SAMD5: variants seen among roughly 807,000 people sequenced by gnomAD.
SAMD5 encodes sterile alpha motif domain containing 5, also known as sterile alpha motif domain-containing protein 5.
In SAMD5, 13 loss-of-function variants were observed where a neutral mutation model predicts 11.3. The observed-to-expected ratio is 1.15, with a 90% CI of 0.75 to 1.83. The LOEUF is 1.83. Among genes scored for constraint, SAMD5 ranks in the 40% most tolerant of loss-of-function variants. The pLI is 0.00. For synonymous variants in SAMD5, 129 were observed against 111.3 expected (o/e 1.16, Z -1.00); for missense variants, 255 against 239.1 (o/e 1.07, Z -0.44).
the SAMD5 span, among the ~76,000 whole-genome samples, chr6:147,902,860 G>C: frequency 6.6e-6 from 1 of 151,982 alleles, no homozygotes; most frequent in Non-Finnish European, 1.5e-5. Flanking sequence ...ATAATTATGT[G>C]CACACCTGTA....
chr6:147,585,505 G>A (rs971845362), intron 1 of SAMD5, among the ~76,000 whole-genome samples: 3 of 152,100 alleles, frequency 2.0e-5, no homozygotes, highest in Non-Finnish European at 4.4e-5. Flanking sequence ...TTAGTAATGG[G>A]AAGGCACCAG....
At chr6:147,906,064 A>G in the SAMD5 span, among the ~76,000 whole-genome samples, 1 of 152,196 alleles carries the variant, frequency 6.6e-6, no homozygotes, top group African/African-American at 2.4e-5. Context: ...GTCCTCAAGT[A>G]TTTCTTATGA....
chr6:147,551,975 C>T (rs1013344983), intron 1 of SAMD5, among the ~76,000 whole-genome samples: 8 of 151,972 alleles, frequency 5.3e-5, no homozygotes, highest in South Asian at 2.1e-4. Context: ...TCCTTGTTAT[C>T]GGAGTTTAAA....
chr6:147,768,368 T>C, the SAMD5 span, among the ~76,000 whole-genome samples: 2 of 152,008 alleles, frequency 1.3e-5, no homozygotes, highest in Non-Finnish European at 2.9e-5. Context: ...CGTGGTAGCA[T>C]GTGCCTGTAA....
the SAMD5 span, among the ~76,000 whole-genome samples, chr6:147,834,023 C>A: frequency 7.9e-5 from 12 of 152,196 alleles, no homozygotes; most frequent in Admixed American, 7.9e-4. Flanking sequence ...GCAAGACTTC[C>A]TTTGCGTTTA....
chr6:147,585,006 G>A (rs1306837364), intron 1 of SAMD5, among the ~76,000 whole-genome samples: 1 of 151,888 alleles, frequency 6.6e-6, no homozygotes, highest in Non-Finnish European at 1.5e-5. Flanking sequence ...AGCATTTGGA[G>A]GATGGGAGAG....
intron 1 of SAMD5, chr6:147,729,651 CCG>C: frequency 2.7e-6 from 1 of 376,412 alleles, no homozygotes; most frequent in East Asian, 7.7e-5. Context: ...TTAGATGGAG[CCG>C]CCAAGGGAGG....
the SAMD5 span, among the ~76,000 whole-genome samples, chr6:147,786,957 T>C: frequency 6.6e-6 from 1 of 152,216 alleles, no homozygotes; most frequent in Non-Finnish European, 1.5e-5. Flanking sequence ...TTCACCTTGG[T>C]TAAATACTTT....
At chr6:147,562,868 A>C (rs534724984) in intron 1 of SAMD5, among the ~76,000 whole-genome samples, 185 of 152,260 alleles carry the variant, frequency 1.2e-3, no homozygotes, top group Non-Finnish European at 2.1e-3. Flanking sequence ...TACCTTGTTT[A>C]TATTCAGGTA....
chr6:147,764,765 C>G, the SAMD5 span, among the ~76,000 whole-genome samples: 3 of 152,208 alleles, frequency 2.0e-5, no homozygotes, highest in Non-Finnish European at 2.9e-5. Context: ...AAGAAAGGCT[C>G]TATTTCGTCA....
chr6:147,726,665 TAACTC>T (rs1403501916), intron 1 of SAMD5, among the ~76,000 whole-genome samples: 2 of 152,260 alleles, frequency 1.3e-5, no homozygotes, highest in African/African-American at 2.4e-5. Context: ...ATTTGAATGT[TAACTC>T]TACTGTGGCT....
Position 147,566,797 on chromosome 6 carries a change from C to T in SAMD5, c.*2341C>T, listed in dbSNP as rs1247119491. 2.5e-5 allele frequency: 25 copies of T among 980,730 alleles called. No individual in the cohort carries two copies. The highest frequency in any genetic ancestry group is 1.8e-4 in the Admixed American group (3 of 16,246). 60.8% of individuals were successfully genotyped at this position (980,730 alleles called of 1,614,324 possible). On this transcript the variant is annotated 3_prime_UTR_variant, in exon 2 of 2. Transcript: ENST00000367474. ...GCAAAGAAGTATTGAAGGATGCCCACGAATTCCTTTGCATTAAAATCAAGA... is the reference window on the plus strand; with the variant it reads ...GCAAAGAAGTATTGAAGGATGCCCATGAATTCCTTTGCATTAAAATCAAGA...
the SAMD5 span, among the ~76,000 whole-genome samples, chr6:147,931,424 T>C: frequency 1.3e-5 from 2 of 152,316 alleles, no homozygotes; most frequent in African/African-American, 4.8e-5. Flanking sequence ...CAAAATTGTT[T>C]ACTAGAAGTA....
chr6:147,618,980 A>G (rs927876182), intron 1 of SAMD5, among the ~76,000 whole-genome samples: 2 of 152,368 alleles, frequency 1.3e-5, no homozygotes, highest in Admixed American at 6.5e-5. Context: ...CTATCCTTCC[A>G]GGATCTTGCT....
At chr6:147,535,514 A>T (rs1415136872) in intron 1 of SAMD5, among the ~76,000 whole-genome samples, 1 of 152,222 alleles carries the variant, frequency 6.6e-6, no homozygotes, top group Non-Finnish European at 1.5e-5. Flanking sequence ...CTTTTGAAGC[A>T]TAATTTTTTT....
At chr6:147,624,718 G>T (rs1790025084) in intron 1 of SAMD5, among the ~76,000 whole-genome samples, 1 of 152,038 alleles carries the variant, frequency 6.6e-6, no homozygotes, top group Non-Finnish European at 1.5e-5. Context: ...TTTGGGACTT[G>T]GGGGAAAGGG....
In SAMD5 at chr6:147,509,061, G is replaced by C. The variant is rs759733940; in HGVS notation, c.133G>C (p.Gly45Arg). ...CGGGGACCCGGACCTGGATGCCATCGGGGTGCTGGCGCCCGCGCACCGCCG... is the reference window on the plus strand; with the variant it reads ...CGGGGACCCGGACCTGGATGCCATCCGGGTGCTGGCGCCCGCGCACCGCCG... ...QIGDPDLDAI[G>R]VLAPAHRRRI... The change falls in exon 1 of 2, where the codon GGG becomes CGG. Residue 45 changes from glycine to arginine, a missense_variant. Gly to Arg is a moderately radical substitution (Grantham distance 125). Transcript: ENST00000367474. The C allele has an allele frequency of 9.3e-6, 15 of 1,605,162 alleles. No individual in the cohort carries two copies. Among genetic ancestry groups the C allele is most frequent in the Non-Finnish European group, 1.0e-5 (12 of 1,176,726 alleles).
chr6:147,742,684 G>A, the SAMD5 span, among the ~76,000 whole-genome samples: 1 of 152,102 alleles, frequency 6.6e-6, no homozygotes, highest in East Asian at 1.9e-4. Context: ...TAACGAAGTT[G>A]GACAGTTGGA....
chr6:147,641,865 T>C (rs1307933645), intron 1 of SAMD5, among the ~76,000 whole-genome samples: 2 of 152,224 alleles, frequency 1.3e-5, no homozygotes, highest in African/African-American at 4.8e-5. Context: ...GAATTCATGC[T>C]TACCTAAAAT....
Sources: allele counts gnomAD v4.1 joint callset (sites outside exome capture counted in the v4.1 genomes callset), GRCh38; gene constraint gnomAD v4.1.1; transcripts MANE v1.5; gene names NCBI Gene and HGNC (gene_info 2026-07-23, HGNC 2026-07-21).